Variants in RAB11FIP4 observed in about 807,000 individuals in gnomAD.
The protein encoded by RAB11FIP4 is RAB11 family interacting protein 4, also known as rab11 family-interacting protein 4.
A neutral mutation model predicts 74.3 loss-of-function variants in RAB11FIP4; 23 were observed. The ratio of observed to expected loss-of-function variants is 0.31; its 90% confidence interval spans 0.22 to 0.44. The LOEUF is 0.44. Among genes scored for constraint, RAB11FIP4 ranks in the 20% least tolerant of loss-of-function variants. RAB11FIP4 has a pLI of 1.00. For missense variants in RAB11FIP4, 630 were observed against 863.9 expected (o/e 0.73, Z 3.39); for synonymous variants, 360 against 359.9 (o/e 1.00, Z 0.00).
chr17:31,486,968 ATG>A (rs138389049), intron 3 of RAB11FIP4, among the ~76,000 whole-genome samples: 3 of 152,034 alleles, frequency 2.0e-5, no homozygotes, highest in Non-Finnish European at 4.4e-5. Context: ...GCGTGTGTGC[ATG>A]TGTGTGTGTG....
At chr17:31,403,544 G>T (rs1966356) in intron 1 of RAB11FIP4, among the ~76,000 whole-genome samples, 2 of 152,002 alleles carry the variant, frequency 1.3e-5, no homozygotes, top group African/African-American at 4.8e-5. Context: ...GGATGATCTC[G>T]ATCTCCTGAC....
intron 3 of RAB11FIP4, among the ~76,000 whole-genome samples, chr17:31,447,966 A>G (rs1046295852): frequency 6.0e-5 from 9 of 150,172 alleles, no homozygotes; most frequent in African/African-American, 2.2e-4. Flanking sequence ...GACTACAGGC[A>G]TGCACCCAGC....
intron 1 of RAB11FIP4, among the ~76,000 whole-genome samples, chr17:31,398,916 C>T (rs1351238867): frequency 2.0e-5 from 3 of 152,180 alleles, no homozygotes; most frequent in African/African-American, 7.2e-5. Context: ...AGCAGGGCCT[C>T]CACTGCCTGA....
At chr17:31,442,222 A>T (rs1246211930) in intron 3 of RAB11FIP4, among the ~76,000 whole-genome samples, 3 of 151,926 alleles carry the variant, frequency 2.0e-5, no homozygotes, top group Non-Finnish European at 4.4e-5. Context: ...GATGGTCTCG[A>T]TCTCCTGACC....
intron 1 of RAB11FIP4, among the ~76,000 whole-genome samples, chr17:31,400,174 A>T (rs1310849106): frequency 6.6e-6 from 1 of 152,222 alleles, no homozygotes; most frequent in Non-Finnish European, 1.5e-5. Flanking sequence ...CGCAGAAAAG[A>T]GGCAAAGGAA....
chr17:31,520,440 A>C (rs1399028767), intron 4 of RAB11FIP4, among the ~76,000 whole-genome samples: 1 of 152,222 alleles, frequency 6.6e-6, no homozygotes, highest in Non-Finnish European at 1.5e-5. Context: ...AAGTTTATTA[A>C]GGAAATAATA....
intron 3 of RAB11FIP4, among the ~76,000 whole-genome samples, chr17:31,493,961 C>T (rs1178362762): frequency 1.3e-5 from 2 of 152,062 alleles, no homozygotes; most frequent in Non-Finnish European, 2.9e-5. Context: ...TCAGATGGGG[C>T]ATCCTGTTCA....
intron 2 of RAB11FIP4, 44 bp from the exon 3 acceptor site, chr17:31,433,990 A>T (rs987959171): frequency 1.1e-5 from 17 of 1,536,246 alleles, no homozygotes; most frequent in Non-Finnish European, 1.4e-5. Flanking sequence ...TCCCAGGCTG[A>T]GGCTCAACCC....
chr17:31,505,436 T>TTA (rs1555548734), intron 3 of RAB11FIP4, among the ~76,000 whole-genome samples: 12 of 63,236 alleles, frequency 1.9e-4, no homozygotes, highest in Admixed American at 9.3e-4. Flanking sequence ...TATATAATTA[T>TTA]TATATAATAT....
At chr17:31,468,579 C>T (rs2071707726) in intron 3 of RAB11FIP4, among the ~76,000 whole-genome samples, 1 of 152,032 alleles carries the variant, frequency 6.6e-6, no homozygotes, top group Admixed American at 6.6e-5. Flanking sequence ...GCCTGTAATC[C>T]CAGCACTTTG....
chr17:31,451,708 C>T (rs1042509739), intron 3 of RAB11FIP4, among the ~76,000 whole-genome samples: 2 of 152,230 alleles, frequency 1.3e-5, no homozygotes, highest in East Asian at 3.9e-4. Flanking sequence ...TCCCCTTCAC[C>T]TAGAACCCTT....
chr17:31,528,811 A>G (rs1354344346), intron 13 of RAB11FIP4, 33 bp downstream of exon 13: 3 of 1,586,278 alleles, frequency 1.9e-6, no homozygotes, highest in Non-Finnish European at 2.6e-6. Context: ...CCAGTGGGGC[A>G]GGGTGGCCGG....
chr17:31,529,869 C>G (rs1319130249), intron 13 of RAB11FIP4, among the ~76,000 whole-genome samples: 1 of 152,158 alleles, frequency 6.6e-6, no homozygotes, highest in Non-Finnish European at 1.5e-5. Context: ...AGTGTGAGAC[C>G]GGTGCATGGG....
chr17:31,418,608 C>T (rs1381804015), intron 1 of RAB11FIP4, among the ~76,000 whole-genome samples: 2 of 151,514 alleles, frequency 1.3e-5, no homozygotes, highest in African/African-American at 2.4e-5. Context: ...GGACTACAGG[C>T]GTGCACCACC....
chr17:31,526,058 G>GT (rs35476354), intron 10 of RAB11FIP4: 1 of 152,258 alleles, frequency 6.6e-6, no homozygotes, highest in East Asian at 1.9e-4. Context: ...CCCCTGTGCA[G>GT]TTTGGTGAGG....
intron 1 of RAB11FIP4, among the ~76,000 whole-genome samples, chr17:31,430,258 G>GC (rs1317490812): frequency 6.6e-6 from 1 of 152,054 alleles, no homozygotes; most frequent in Non-Finnish European, 1.5e-5. Flanking sequence ...GGCCAGTGCA[G>GC]CTAGAGTACA....
intron 3 of RAB11FIP4, among the ~76,000 whole-genome samples, chr17:31,476,357 G>A (rs2071793070): frequency 6.6e-6 from 1 of 151,860 alleles, no homozygotes; most frequent in African/African-American, 2.4e-5. Context: ...GCTAATGTTT[G>A]TATTTTTAGT....
intron 3 of RAB11FIP4, chr17:31,448,584 T>C (rs1484201135): frequency 2.0e-5 from 3 of 151,816 alleles, no homozygotes; most frequent in Admixed American, 2.0e-4. Flanking sequence ...ACAAAACAGG[T>C]CTTCACTGGG....
At chr17:31,475,315 C>A (rs545545906) in intron 3 of RAB11FIP4, among the ~76,000 whole-genome samples, 1 of 152,194 alleles carries the variant, frequency 6.6e-6, no homozygotes, top group East Asian at 1.9e-4. Context: ...TGCAAGTCTC[C>A]CAGCTGCAAA....
Sources: gnomAD v4.1 joint callset for allele counts (sites outside exome capture counted in the v4.1 genomes callset) on GRCh38, gnomAD v4.1.1 for gene constraint, MANE v1.5 for transcripts, NCBI Gene and HGNC (gene_info 2026-07-23, HGNC 2026-07-21) for gene names.